The following AKR1D1 variants were observed in gnomAD, a reference collection of about 807,000 sequenced individuals.
AKR1D1 encodes delta(4)-3-ketosteroid 5-beta-reductase.
In AKR1D1, 32 loss-of-function variants were observed where a neutral mutation model predicts 42.6. The observed-to-expected ratio is 0.75, with a 90% confidence interval of 0.57 to 1.01. AKR1D1 has a LOEUF of 1.01. AKR1D1 is among the 50% of genes least tolerant of loss of function. The pLI, the probability that AKR1D1 is intolerant of heterozygous loss-of-function variation, is 0.00. For synonymous variants in AKR1D1, 123 were observed against 135.5 expected, an observed-to-expected ratio of 0.91 and a Z score of 0.64; for missense variants, 364 against 402.2, an observed-to-expected ratio of 0.91 and a Z score of 0.81.
intron 4 of AKR1D1, among the ~76,000 whole-genome samples, chr7:138,101,708 T>G (rs1345419346): frequency 6.6e-6 from 1 of 152,184 alleles, no homozygotes; most frequent in Admixed American, 6.5e-5. Flanking sequence ...CATTAAATAT[T>G]TAAAGATAAA....
chr7:138,091,687 G>A lies in AKR1D1; in HGVS notation c.262-81G>A, dbSNP rs1027398177. ...TCTCAAAAAAAAAAAATGTGTACGAGTGTTTTACAAAGAAAAAGGGGCTGC... is the reference window on the plus strand; with the variant it reads ...TCTCAAAAAAAAAAAATGTGTACGAATGTTTTACAAAGAAAAAGGGGCTGC... On this transcript the variant is annotated intron_variant, in intron 2 of 8. Transcript: ENST00000242375. 18 of 1,100,600 alleles carry A rather than the reference G, an allele frequency of 1.6e-5. No homozygotes were observed. In the African/African-American group the frequency reaches 2.2e-4, roughly 13 times the overall value. 68.2% of individuals were successfully genotyped at this position (1,100,600 alleles called of 1,614,324 possible). A position where few individuals can be genotyped will look rare whatever the true frequency, so the allele number is the denominator to read the frequency against.
At chr7:138,112,922 A>T (rs944950205) in intron 7 of AKR1D1, among the ~76,000 whole-genome samples, 2 of 152,076 alleles carry the variant, frequency 1.3e-5, no homozygotes, top group African/African-American at 4.8e-5. Flanking sequence ...TGGAAATGTA[A>T]TTAGAATAAA....
At chr7:138,088,891 A>G in intron 2 of AKR1D1, 123 bp downstream of exon 2, 1 of 1,102,432 alleles carries the variant, frequency 9.1e-7, no homozygotes, top group Non-Finnish European at 1.3e-6. Context: ...ACTTAATAAC[A>G]GTTTGGGTTT....
chr7:138,116,713 T>A lies in AKR1D1; in HGVS notation c.*51T>A. On this transcript the variant is annotated 3_prime_UTR_variant, in exon 9 of 9. Coordinates refer to ENST00000242375, the MANE Select transcript of AKR1D1 (RefSeq NM_005989.4). ...TTCACTCCCACGAGTGCCAAGACGG[T>A]GCAATGGGTAGTCCCCTAGATGTGA... 6.6e-7 allele frequency: 1 copy of A among 1,516,574 alleles called. No individual in the cohort carries two copies. 93.9% of individuals were successfully genotyped at this position (1,516,574 alleles called of 1,614,324 possible).
intron 7 of AKR1D1, among the ~76,000 whole-genome samples, chr7:138,111,192 C>T (rs913534964): frequency 6.6e-6 from 1 of 152,212 alleles, no homozygotes; most frequent in Admixed American, 6.5e-5. Flanking sequence ...TTGTTCCTCT[C>T]TACTGTGTAA....
chr7:138,098,228 G>C, intron 4 of AKR1D1: 1 of 296,896 alleles, frequency 3.4e-6, no homozygotes. Flanking sequence ...TAAAATATAT[G>C]AATAAGATAA....
At chr7:138,098,174 AGG>A in intron 4 of AKR1D1, 1 of 507,170 alleles carries the variant, frequency 2.0e-6, no homozygotes, top group Non-Finnish European at 3.5e-6. Flanking sequence ...GAGGGGTGGA[AGG>A]AAAAACAGTG....
chr7:138,090,525 T>G (rs1023725272), intron 2 of AKR1D1, among the ~76,000 whole-genome samples: 1 of 150,960 alleles, frequency 6.6e-6, no homozygotes, highest in African/African-American at 2.4e-5. Flanking sequence ...TAATCCCAGC[T>G]ACTTGGGAGG....
chr7:138,089,751 G>T lies in AKR1D1; in HGVS notation c.261+983G>T, dbSNP rs10229138. Among the ~76,000 whole-genome samples, 6 of 152,200 alleles carry T rather than the reference G, an allele frequency of 3.9e-5. No homozygotes were observed. The East Asian group carries it at 1.2e-3, about 29-fold the overall frequency. On this transcript the variant is annotated intron_variant, in intron 2 of 8. Coordinates refer to ENST00000242375, the MANE Select transcript of AKR1D1 (RefSeq NM_005989.4). The stretch of plus-strand genomic sequence containing the variant: ...GGGCGAAATATTGGTGTTTACTTAC[G>T]TAAACAGAAACAGTGTGTGCAGCTG...
intron 7 of AKR1D1, among the ~76,000 whole-genome samples, chr7:138,109,539 G>A (rs1404349863): frequency 6.6e-6 from 1 of 152,188 alleles, no homozygotes; most frequent in Non-Finnish European, 1.5e-5. Context: ...TGTGGCCACT[G>A]AGTAGGATAC....
Position 138,113,770 on chromosome 7 carries a change from C to T in AKR1D1, c.936C>T (p.Leu312=), listed in dbSNP as rs115087848. ...LNKNVRFVEL[L]MWRDHPEYPF... ...AAAATGTCCGCTTTGTAGAATTGCT[C>T]ATGTAAGTTCCGGGGATCATTAATG... Residue 312 remains leucine, a splice_region_variant and synonymous_variant, in exon 8 of 9, where the codon CTC becomes CTT. Coordinates refer to ENST00000242375, the MANE Select transcript of AKR1D1 (RefSeq NM_005989.4). 2 of 1,613,646 alleles carry T rather than the reference C, an allele frequency of 1.2e-6. No individual in the cohort carries two copies. The highest frequency in any genetic ancestry group is 2.2e-5 in the East Asian group (1 of 44,878).
intron 1 of AKR1D1, among the ~76,000 whole-genome samples, chr7:138,087,443 A>G (rs933901978): frequency 2.6e-5 from 4 of 152,254 alleles, no homozygotes; most frequent in Admixed American, 2.0e-4. Context: ...AACGTGAGTT[A>G]ATAAAATGAA....
At chr7:138,107,145 G>A in intron 6 of AKR1D1, 1 of 618,272 alleles carries the variant, frequency 1.6e-6, no homozygotes, top group Non-Finnish European at 3.0e-6. Flanking sequence ...ACCTTTCCCT[G>A]TATGCCAGCT....
intron 1 of AKR1D1, among the ~76,000 whole-genome samples, chr7:138,079,648 G>A (rs928532415): frequency 2.0e-5 from 3 of 152,174 alleles, no homozygotes; most frequent in African/African-American, 7.2e-5. Context: ...TTCAGATTTT[G>A]GATGACATCT....
chr7:138,076,472 G>T lies in AKR1D1; in HGVS notation c.-47G>T. Reference sequence around the variant, plus strand: ...AGGCCCTAGGACACCTTTCTAAAAAGACTCCCTGTGGTGTTCAGAATCACT... The same window carrying T: ...AGGCCCTAGGACACCTTTCTAAAAATACTCCCTGTGGTGTTCAGAATCACT... On this transcript the variant is annotated 5_prime_UTR_variant, in exon 1 of 9. Coordinates refer to ENST00000242375, the MANE Select transcript of AKR1D1 (RefSeq NM_005989.4). 1 of 1,513,538 alleles carries T rather than the reference G, an allele frequency of 6.6e-7. No individual in the cohort carries two copies. The highest frequency in any genetic ancestry group is 1.1e-5 in the South Asian group (1 of 88,530). The allele number at this position is 1,513,538 out of a possible 1,614,324, so 93.8% of individuals were successfully genotyped here.
Position 138,104,812 on chromosome 7 carries a change from G to A in AKR1D1, c.457-495G>A, listed in dbSNP as rs147011700. Among the ~76,000 whole-genome samples the A allele has an allele frequency of 9.1e-3, 1,378 of 152,152 alleles. 21 individuals are homozygous for A. The highest frequency in any genetic ancestry group is 0.031 in the African/African-American group (1,291 of 41,510). On this transcript the variant is annotated intron_variant, in intron 4 of 8. Coordinates refer to ENST00000242375, the MANE Select transcript of AKR1D1 (RefSeq NM_005989.4). ...CTCACTCTGTTGCTCAGGCTGGAGT[G>A]CAGTGACACAGTTATAACTCACTGC...
At chr7:138,116,294 C>G (rs2117480290) in intron 8 of AKR1D1, among the ~76,000 whole-genome samples, 1 of 152,190 alleles carries the variant, frequency 6.6e-6, no homozygotes, top group Non-Finnish European at 1.5e-5. Flanking sequence ...GTCAAGGGAA[C>G]AGAAAGGGGG....
At position 138,117,831 on chromosome 7, in the gene AKR1D1, A is replaced by G. The variant is rs1028094258; in HGVS notation, c.*1169A>G. ...TCAGGAGATCGAGACCATCTTGGCT[A>G]ACAAGGTGAAACCCCGTCTCTACTA... is the stretch of plus-strand genomic sequence containing the variant. On this transcript the variant is annotated 3_prime_UTR_variant, in exon 9 of 9. Transcript: ENST00000242375. The G allele has an allele frequency of 6.6e-6, 1 of 152,198 alleles. No homozygotes were observed. The highest frequency in any genetic ancestry group is 6.5e-5 in the Admixed American group (1 of 15,278). The allele number at this position is 152,198 out of a possible 1,614,324, so 9.4% of individuals were successfully genotyped here.
chr7:138,109,665 A>C lies in AKR1D1; in HGVS notation c.855+2085A>C, dbSNP rs193074232. On this transcript the variant is annotated intron_variant, in intron 7 of 8. Transcript: ENST00000242375. The stretch of plus-strand genomic sequence containing the variant: ...AAAGGCGAAAAGATGCTGAATAGTT[A>C]CATCAACTCCTGACAATAACATTTG... Among the ~76,000 whole-genome samples the C allele has an allele frequency of 1.3e-4, 20 of 152,358 alleles. 2 individuals are homozygous for C. Among genetic ancestry groups the C allele is most frequent in the African/African-American group, 4.8e-4 (20 of 41,576 alleles).
Sources: gnomAD v4.1 joint callset for allele counts (sites outside exome capture counted in the v4.1 genomes callset) on GRCh38, gnomAD v4.1.1 for gene constraint, MANE v1.5 for transcripts, NCBI Gene and HGNC (gene_info 2026-07-23, HGNC 2026-07-21) for gene names.